KIF1A: variants seen among roughly 807,000 people sequenced by gnomAD.
The protein encoded by KIF1A is kinesin family member 1A, also known as kinesin-like protein KIF1A.
KIF1A carries 46 observed loss-of-function variants against 227.3 expected under a neutral mutation model. That is an observed-to-expected ratio of 0.20 (90% CI 0.16 to 0.26). The LOEUF is 0.26. Among genes scored for constraint, KIF1A ranks in the 10% least tolerant of loss-of-function variants. KIF1A has a pLI of 1.00. For missense variants in KIF1A, 1,683 were observed against 2,485.9 expected (o/e 0.68, Z 6.87); for synonymous variants, 1,022 against 1,012.8 (o/e 1.01, Z -0.17).
chr2:240,757,451 TCC>T lies in KIF1A; in HGVS notation c.2724_2725del (p.Glu909GlyfsTer10), dbSNP rs1253855168. On this transcript the variant is annotated frameshift_variant, in exon 27 of 49. Coordinates refer to ENST00000498729, the MANE Select transcript of KIF1A (RefSeq NM_001244008.2). LOFTEE classifies it high-confidence loss of function. This position sits in a 1 kb window ranked among gnomAD's most constrained non-coding sequence, Gnocchi z 6.2. ...CTCCTCCTCCTCCTCCTCCTCCTCC[TCC>T]TCCCCCACGCTCTGCTCCTCGGCAG... 4.5e-6 allele frequency: 7 copies of T among 1,545,382 alleles called. No individual in the cohort carries two copies. The highest frequency in any genetic ancestry group is 1.2e-5 in the South Asian group (1 of 83,558).
chr2:240,812,127 C>T (rs1294773944), intron 1 of KIF1A, among the ~76,000 whole-genome samples: 1 of 152,252 alleles, frequency 6.6e-6, no homozygotes, highest in East Asian at 1.9e-4. Flanking sequence ...CCGCAAGTCA[C>T]TGCAGGCACA....
intron 1 of KIF1A, among the ~76,000 whole-genome samples, chr2:240,798,666 A>C (rs926045225): frequency 6.6e-6 from 1 of 152,182 alleles, no homozygotes; most frequent in African/African-American, 2.4e-5. Flanking sequence ...CCCGCAAAAC[A>C]GTGACGAAGC....
Position 240,788,364 on chromosome 2 carries a change from C to T in KIF1A, c.184-134G>A, listed in dbSNP as rs374739823. The T allele has an allele frequency of 1.4e-5, 11 of 759,248 alleles. No homozygotes were observed. The highest frequency in any genetic ancestry group is 8.1e-5 in the East Asian group (3 of 37,020). 47.0% of individuals were successfully genotyped at this position (759,248 alleles called of 1,614,324 possible). ...GCACAGTGGGGAGGGATGCCTGCCC[C>T]CCATCCTACTCCTGCCTTGTGGGGT... On this transcript the variant is annotated intron_variant, in intron 3 of 48. Coordinates refer to ENST00000498729, the MANE Select transcript of KIF1A (RefSeq NM_001244008.2). The surrounding 1 kb of genome is among the most constrained non-coding windows in gnomAD (Gnocchi z 6.6).
chr2:240,797,032 C>T (rs1332188463), intron 2 of KIF1A, among the ~76,000 whole-genome samples: 2 of 152,226 alleles, frequency 1.3e-5, no homozygotes, highest in Non-Finnish European at 2.9e-5. Flanking sequence ...CTCAGTGCAG[C>T]TGACACCACT....
In KIF1A at chr2:240,766,747, T is replaced by TCACA. The variant is rs1344499129; in HGVS notation, c.1684+167_1684+168insTGTG. Reference sequence around the variant, plus strand: ...ATCTCTCTCTCTCTCTCTCTCTCTCTCTCACACACACACACACACACACAC... The same window carrying TCACA: ...ATCTCTCTCTCTCTCTCTCTCTCTCTCACACTCACACACACACACACACACACAC... On this transcript the variant is annotated intron_variant, in intron 19 of 48. Coordinates refer to ENST00000498729, the MANE Select transcript of KIF1A (RefSeq NM_001244008.2). This position sits in a 1 kb window ranked among gnomAD's most constrained non-coding sequence, Gnocchi z 5.0. Among the ~76,000 whole-genome samples the TCACA allele has an allele frequency of 1.0e-3, 125 of 119,508 alleles. 3 individuals are homozygous for TCACA. The highest frequency in any genetic ancestry group is 1.6e-3 in the Non-Finnish European group (97 of 60,188). 78.4% of individuals were successfully genotyped at this position (119,508 alleles called of 152,430 possible). A position where few individuals can be genotyped will look rare whatever the true frequency, so the allele number is the denominator to read the frequency against.
intron 45 of KIF1A, 128 bp from the exon 46 acceptor site, chr2:240,720,054 C>T (rs1414729239): frequency 2.2e-6 from 2 of 902,836 alleles, no homozygotes; most frequent in Non-Finnish European, 3.1e-6. Flanking sequence ...GTCTCTCCAG[C>T]TGTGCCCACA....
rs60462300 is a variant in KIF1A at position 240,778,511 on chromosome 2, T to TACACACACACACACACACACACACAC, written c.883-2611_883-2586dup. 4.7e-3 allele frequency among the ~76,000 whole-genome samples: 624 copies of TACACACACACACACACACACACACAC among 134,162 alleles called. 9 individuals carry two copies. The highest frequency in any genetic ancestry group is 0.014 in the African/African-American group (457 of 32,934). 88.0% of individuals were successfully genotyped at this position (134,162 alleles called of 152,430 possible). A position where few individuals can be genotyped will look rare whatever the true frequency, so the allele number is the denominator to read the frequency against. ...GGCGCTCGCAGCTCCCGCACAGCGT[T>TACACACACACACACACACACACACAC]ACACACACACACACACACACACACA... On this transcript the variant is annotated intron_variant, in intron 10 of 48. Coordinates refer to ENST00000498729, the MANE Select transcript of KIF1A (RefSeq NM_001244008.2). The surrounding 1 kb of genome is among the most constrained non-coding windows in gnomAD (Gnocchi z 7.2).
Position 240,758,151 on chromosome 2 carries a change from C to G in KIF1A, c.2582+209G>C, listed in dbSNP as rs932335766. ...TGGGTGGCAGTGCCAAGACCCCATC[C>G]CACGTCCCCTGAAATAACAGGCCCT... On this transcript the variant is annotated intron_variant, in intron 26 of 48. Transcript: ENST00000498729. The surrounding 1 kb of genome is among the most constrained non-coding windows in gnomAD (Gnocchi z 5.2). 2.6e-5 allele frequency among the ~76,000 whole-genome samples: 4 copies of G among 152,226 alleles called. No homozygotes were observed. Among genetic ancestry groups the G allele is most frequent in the African/African-American group, 9.6e-5 (4 of 41,456 alleles).
chr2:240,722,379 G>T, intron 43 of KIF1A, 77 bp downstream of exon 43: 1 of 1,392,832 alleles, frequency 7.2e-7, no homozygotes, highest in Non-Finnish European at 9.8e-7. Context: ...AGGCCGGGTT[G>T]CTGGAGTTGC....
At chr2:240,759,232 T>A (rs1314446739) in intron 25 of KIF1A, among the ~76,000 whole-genome samples, 1 of 152,108 alleles carries the variant, frequency 6.6e-6, no homozygotes, top group Non-Finnish European at 1.5e-5. Context: ...TATCTTGTGA[T>A]GTTTTGACTT....
chr2:240,813,776 C>G (rs1400295689), intron 1 of KIF1A, among the ~76,000 whole-genome samples: 2 of 152,106 alleles, frequency 1.3e-5, no homozygotes, highest in Non-Finnish European at 2.9e-5. Flanking sequence ...CCAACTAATG[C>G]CTTCCTCGGG....
At chr2:240,720,475 A>G (rs2045201476) in intron 45 of KIF1A, among the ~76,000 whole-genome samples, 1 of 152,218 alleles carries the variant, frequency 6.6e-6, no homozygotes, top group Non-Finnish European at 1.5e-5. Flanking sequence ...AACAAGAGTG[A>G]AAAGCATCTG....
chr2:240,772,401 G>C (rs902340414), intron 14 of KIF1A, among the ~76,000 whole-genome samples, 169 bp downstream of exon 14: 1 of 152,160 alleles, frequency 6.6e-6, no homozygotes, highest in African/African-American at 2.4e-5. Context: ...CCACATCTAC[G>C]AGCAGGGCCC....
intron 5 of KIF1A, among the ~76,000 whole-genome samples, chr2:240,786,813 CCCCTGAGTGAGAGGGTGGGG>C (rs2054975722): frequency 7.7e-6 from 1 of 129,846 alleles, no homozygotes; most frequent in African/African-American, 3.1e-5. Context: ...GCCATCAGGA[CCCCTGAGTGAGAGGGTGGGG>C]GCTGCCTGCT....
rs2049948840 is a variant in KIF1A, at chr2:240,757,207, C to T, written c.2858+112G>A. On this transcript the variant is annotated intron_variant, in intron 27 of 48. Transcript: ENST00000498729. This position sits in a 1 kb window ranked among gnomAD's most constrained non-coding sequence, Gnocchi z 6.2. ...GAGGCCAGCCCCTCCACCTGCCTCG[C>T]CTGCCCTGGGAGGGCCCGGGCCAGG... is the stretch of plus-strand genomic sequence containing the variant. 8.8e-7 allele frequency: 1 copy of T among 1,135,116 alleles called. No homozygotes were observed. The highest frequency in any genetic ancestry group is 2.6e-5 in the East Asian group (1 of 38,670). The allele number at this position is 1,135,116 out of a possible 1,614,324, so 70.3% of individuals were successfully genotyped here.
intron 32 of KIF1A, among the ~76,000 whole-genome samples, chr2:240,744,740 T>G (rs1186656493): frequency 6.6e-6 from 1 of 152,060 alleles, no homozygotes; most frequent in Non-Finnish European, 1.5e-5. Context: ...GGAGGCCACA[T>G]TTCTGTTGTT....
At chr2:240,783,911 G>T in intron 7 of KIF1A, 95 bp from the exon 8 acceptor site, 2 of 976,102 alleles carry the variant, frequency 2.0e-6, no homozygotes, top group Non-Finnish European at 3.2e-6. Flanking sequence ...TGTTGAAGGA[G>T]CCCTGGCCAA....
chr2:240,781,289 A>C (rs2053882383), intron 10 of KIF1A, among the ~76,000 whole-genome samples: 1 of 24,206 alleles, frequency 4.1e-5, no homozygotes. Context: ...ACACAGCTAC[A>C]CACACACACA....
At chr2:240,779,899 C>T (rs2053399118) in intron 10 of KIF1A, among the ~76,000 whole-genome samples, 1 of 152,188 alleles carries the variant, frequency 6.6e-6, no homozygotes, top group Non-Finnish European at 1.5e-5. Flanking sequence ...ATGTTTCCCC[C>T]CAGGCCTCCC....
Sources: gnomAD v4.1 joint callset for allele counts (sites outside exome capture counted in the v4.1 genomes callset) on GRCh38, gnomAD v4.1.1 for gene constraint, Gnocchi (gnomAD v3.1) non-coding constraint, MANE v1.5 for transcripts, NCBI Gene and HGNC (gene_info 2026-07-23, HGNC 2026-07-21) for gene names.